The following ANKRD36C variants were observed in gnomAD, a reference collection of about 807,000 sequenced individuals.
ANKRD36C encodes ankyrin repeat domain-containing protein 36C.
A neutral mutation model predicts 276.4 loss-of-function variants in ANKRD36C; 61 were observed. The observed-to-expected ratio is 0.22, with a 90% confidence interval of 0.18 to 0.27. The LOEUF is 0.27. ANKRD36C is among the 10% of genes least tolerant of loss of function. The probability of loss-of-function intolerance (pLI) is 1.00; values close to 1 mark genes in which losing one functional copy is unlikely to be tolerated. For synonymous variants in ANKRD36C, 483 were observed against 680.1 expected (o/e 0.71, Z 4.51); for missense variants, 1,447 against 2,032.3 (o/e 0.71, Z 5.54).
At chr2:95,956,900 G>T in intron 12 of ANKRD36C, 84 bp from the exon 13 acceptor site, 7 of 1,325,222 alleles carry the variant, frequency 5.3e-6, no homozygotes, top group Non-Finnish European at 7.2e-6. Flanking sequence ...ACAGTGACTT[G>T]TTCCTATAAT....
intron 1 of ANKRD36C, among the ~76,000 whole-genome samples, chr2:95,988,626 A>C (rs1281699681): frequency 6.6e-6 from 1 of 152,224 alleles, no homozygotes; most frequent in Non-Finnish European, 1.5e-5. Context: ...ATTATGAAAA[A>C]AACATAAATT....
At chr2:95,946,156 G>GAAAAAAAAAAGA (rs1678041668) in intron 17 of ANKRD36C, among the ~76,000 whole-genome samples, 1 of 73,304 alleles carries the variant, frequency 1.4e-5, no homozygotes, top group Non-Finnish European at 2.6e-5. Context: ...ACAGAGAGAG[G>GAAAAAAAAAAGA]AAAAAAAAAA....
intron 59 of ANKRD36C, among the ~76,000 whole-genome samples, chr2:95,869,578 GA>G (rs1183934799): frequency 1.3e-5 from 2 of 152,248 alleles, no homozygotes; most frequent in African/African-American, 4.8e-5. Flanking sequence ...CTCCCAGCGT[GA>G]GCGACGCAGA....
rs1306466620 is a variant in ANKRD36C, at chr2:95,887,861, C to T, written c.3061+64G>A. On this transcript the variant is annotated intron_variant, in intron 50 of 66. Transcript: ENST00000456556. ...TTGATGAGCCCCGCACTGATTTGTT[C>T]GGGGAAGAGAAGTACTTTTCTATCT... 28 of 1,537,546 alleles carry T rather than the reference C, an allele frequency of 1.8e-5. No homozygotes were observed. In the South Asian group the frequency reaches 2.1e-4, roughly 12 times the overall value.
intron 19 of ANKRD36C, 80 bp from the exon 20 acceptor site, chr2:95,941,279 C>G: frequency 2.2e-6 from 3 of 1,339,048 alleles, no homozygotes; most frequent in Non-Finnish European, 2.9e-6. Context: ...GAAACATTTT[C>G]TGTGTCTATA....
At chr2:95,910,235 A>G in intron 42 of ANKRD36C, 138 bp downstream of exon 46, 1 of 1,061,912 alleles carries the variant, frequency 9.4e-7, no homozygotes, top group Non-Finnish European at 1.3e-6. Flanking sequence ...TCACCCAACA[A>G]CTTACTACAA....
chr2:95,982,232 C>T (rs1221859620), intron 4 of ANKRD36C, 24 bp downstream of exon 4: 1 of 1,486,664 alleles, frequency 6.7e-7, no homozygotes, highest in African/African-American at 1.4e-5. Flanking sequence ...TTAAAAACAA[C>T]ACAATAAGAA....
At chr2:95,955,192 T>A (rs1463049807) in intron 13 of ANKRD36C, among the ~76,000 whole-genome samples, 1 of 152,266 alleles carries the variant, frequency 6.6e-6, no homozygotes, top group Admixed American at 6.5e-5. Flanking sequence ...TTAAGCAATC[T>A]CCAGCTCCCT....
At chr2:95,955,921 G>A (rs1678316265) in intron 13 of ANKRD36C, among the ~76,000 whole-genome samples, 1 of 152,054 alleles carries the variant, frequency 6.6e-6, no homozygotes. Flanking sequence ...ATATTTAGCT[G>A]CCATACATGA....
rs1286365009 is a variant in ANKRD36C at position 95,929,220 on chromosome 2, T to C, written c.1764+19A>G. ...ACTATACAGTTAATAGTTCAACATA[T>C]AAATGAGACTTTAATTACCTTCTCA... On this transcript the variant is annotated intron_variant, in intron 25 of 66. Transcript: ENST00000456556. 9 of 1,593,284 alleles carry C rather than the reference T, an allele frequency of 5.6e-6. No individual in the cohort carries two copies. In the East Asian group the frequency reaches 2.0e-4, roughly 36 times the overall value.
intron 42 of ANKRD36C, among the ~76,000 whole-genome samples, 171 bp downstream of exon 44, chr2:95,912,073 C>T (rs1237719815): frequency 1.3e-5 from 2 of 151,410 alleles, no homozygotes; most frequent in African/African-American, 4.8e-5. Context: ...CAGTGAAGAT[C>T]ATGTTCCAGA....
chr2:95,919,634 C>T lies in ANKRD36C; in HGVS notation c.2246-1592G>A, dbSNP rs973203574. ...CCTGCTGAATCAGAATGTGCAGCTT[C>T]GGCGACTCCCCCCACCCACCCTCCG... On this transcript the variant is annotated intron_variant, in intron 34 of 66. Transcript: ENST00000456556. 7 of 613,322 alleles carry T rather than the reference C, an allele frequency of 1.1e-5. 1 individual carries two copies. The highest frequency in any genetic ancestry group is 1.4e-5 in the Non-Finnish European group (7 of 497,332). The allele number at this position is 613,322 out of a possible 1,614,324, so 38.0% of individuals were successfully genotyped here.
At chr2:95,917,201 C>T (rs552322482) in intron 36 of ANKRD36C, among the ~76,000 whole-genome samples, 109 of 151,714 alleles carry the variant, frequency 7.2e-4, no homozygotes, top group Admixed American at 4.3e-3. Flanking sequence ...AGTAATGAGT[C>T]AGTGTGCTTT....
At chr2:95,915,002 T>A (rs529442063) in intron 38 of ANKRD36C, among the ~76,000 whole-genome samples, 4 of 151,660 alleles carry the variant, frequency 2.6e-5, no homozygotes, top group Non-Finnish European at 4.4e-5. Context: ...AAAAATATCA[T>A]CCATTATCAA....
intron 34 of ANKRD36C, among the ~76,000 whole-genome samples, chr2:95,918,512 A>G (rs550430178): frequency 4.6e-5 from 7 of 151,764 alleles, no homozygotes; most frequent in South Asian, 2.1e-4. Flanking sequence ...AGTTACCATG[A>G]CACTTCAGTT....
At chr2:95,851,824 T>A (rs1573714440) in intron 65 of ANKRD36C, 37 bp from the exon 86 acceptor site, 1 of 1,506,304 alleles carries the variant, frequency 6.6e-7, no homozygotes, top group Non-Finnish European at 8.9e-7. Flanking sequence ...CTCTCACACA[T>A]AATTGTTTTT....
In ANKRD36C at chr2:95,975,193, G is replaced by C. The variant is rs372199936; in HGVS notation, c.799+2929C>G. 1.1e-4 allele frequency among the ~76,000 whole-genome samples: 16 copies of C among 152,182 alleles called. No individual in the cohort carries two copies. In the South Asian group the frequency reaches 3.3e-3, roughly 32 times the overall value. ...AGGAAGAATCAATATCGTGAAAATG[G>C]CCATACTGCCCAAGGTAATTTATAG... On this transcript the variant is annotated intron_variant, in intron 6 of 66. Transcript: ENST00000456556.
At chr2:95,937,650 G>A (rs1412752399) in intron 22 of ANKRD36C, among the ~76,000 whole-genome samples, 1 of 151,914 alleles carries the variant, frequency 6.6e-6, no homozygotes, top group African/African-American at 2.4e-5. Context: ...GGAAGCCAAG[G>A]TACCAAATGA....
Position 95,908,277 on chromosome 2 carries a change from T to C in ANKRD36C, c.2653+3967A>G, listed in dbSNP as rs552324985. Among the ~76,000 whole-genome samples the C allele has an allele frequency of 1.4e-3, 217 of 150,592 alleles. 1 individual carries two copies. The highest frequency in any genetic ancestry group is 4.7e-3 in the African/African-American group (192 of 41,240). ...TTATGCCTTGAACTGCTCTCCATATTTCTTCTTCCCAATTTCAATATGGGG... is the reference window on the plus strand; with the variant it reads ...TTATGCCTTGAACTGCTCTCCATATCTCTTCTTCCCAATTTCAATATGGGG... On this transcript the variant is annotated intron_variant, in intron 42 of 66. Transcript: ENST00000456556.
Sources: allele counts gnomAD v4.1 joint callset (sites outside exome capture counted in the v4.1 genomes callset), GRCh38; gene constraint gnomAD v4.1.1; transcripts MANE v1.5; gene names NCBI Gene and HGNC (gene_info 2026-07-23, HGNC 2026-07-21).